GPHN: variants seen among roughly 807,000 people sequenced by gnomAD.
GPHN encodes gephyrin.
Under a neutral mutation model 95.5 loss-of-function variants are expected in GPHN, and 17 were observed. The observed-to-expected ratio is 0.18, with a 90% CI of 0.12 to 0.27. The LOEUF is 0.27. GPHN is among the 10% of genes least tolerant of loss of function. GPHN has a pLI of 1.00. For missense variants in GPHN, 660 were observed against 978.1 expected (o/e 0.67, Z 4.34); for synonymous variants, 320 against 322.5 (o/e 0.99, Z 0.08).
intron 1 of GPHN, among the ~76,000 whole-genome samples, chr14:66,533,085 G>C (rs1594850765): frequency 6.6e-6 from 1 of 152,124 alleles, no homozygotes; most frequent in Admixed American, 6.5e-5. Flanking sequence ...CCATCTATTT[G>C]TTAACAAGTT....
At chr14:67,562,281 C>T in the GPHN span, 95 of 1,613,626 alleles carry the variant, frequency 5.9e-5, no homozygotes, top group South Asian at 9.8e-4. Context: ...GCTGTGCTTG[C>T]ACCTTCCCCA....
chr14:66,866,836 G>A (rs563834349), intron 4 of GPHN, among the ~76,000 whole-genome samples: 2 of 152,184 alleles, frequency 1.3e-5, no homozygotes, highest in African/African-American at 4.8e-5. Flanking sequence ...ACCTTAGCTG[G>A]CACAGCAATT....
chr14:66,627,898 C>T lies in GPHN; in HGVS notation c.65-53209C>T, dbSNP rs532634653. ...TAGTTCATAGTTTTATTAAAGAAAT[C>T]TCTCTTCTACCTACTGTTAGATACA... On this transcript the variant is annotated intron_variant, in intron 1 of 22. Transcript: ENST00000478722. Among the ~76,000 whole-genome samples, 5 of 152,224 alleles carry T rather than the reference C, an allele frequency of 3.3e-5. No individual in the cohort carries two copies. In the East Asian group the frequency reaches 5.8e-4, roughly 18 times the overall value.
the GPHN span, among the ~76,000 whole-genome samples, chr14:67,439,797 G>T: frequency 6.6e-6 from 1 of 151,876 alleles, no homozygotes; most frequent in Non-Finnish European, 1.5e-5. Flanking sequence ...TGCTTTTAGT[G>T]TTAAAATGTC....
intron 9 of GPHN, among the ~76,000 whole-genome samples, chr14:67,007,758 A>G (rs1250860329): frequency 1.3e-5 from 2 of 152,172 alleles, no homozygotes; most frequent in African/African-American, 4.8e-5. Flanking sequence ...CTGATCTGAA[A>G]TGTTCCCCAG....
intron 5 of GPHN, among the ~76,000 whole-genome samples, chr14:66,911,572 C>G (rs1172578632): frequency 6.6e-6 from 1 of 151,908 alleles, no homozygotes; most frequent in Non-Finnish European, 1.5e-5. Context: ...ATTGCTTCAC[C>G]TAGGTAGTAG....
chr14:67,650,695 G>A, the GPHN span: 293 of 1,612,010 alleles, frequency 1.8e-4, no homozygotes, highest in Non-Finnish European at 2.0e-4. Context: ...CTGAGGTTTT[G>A]TCACACTTTG....
intron 2 of GPHN, among the ~76,000 whole-genome samples, chr14:66,696,867 A>G (rs1033124075): frequency 2.6e-5 from 4 of 152,232 alleles, no homozygotes; most frequent in Admixed American, 6.5e-5. Context: ...TAAGAAATGT[A>G]TGTAGATTTG....
At chr14:66,810,417 A>T (rs1347483145) in intron 3 of GPHN, among the ~76,000 whole-genome samples, 1 of 151,792 alleles carries the variant, frequency 6.6e-6, no homozygotes, top group Non-Finnish European at 1.5e-5. Flanking sequence ...TACATAATAT[A>T]TATTATCCAT....
intron 1 of GPHN, among the ~76,000 whole-genome samples, chr14:66,657,905 C>T (rs185151358): frequency 1.1e-4 from 17 of 152,088 alleles, no homozygotes; most frequent in Admixed American, 1.1e-3. Context: ...TTTTGAGTTT[C>T]AAGTCTTATT....
the GPHN span, chr14:67,593,712 G>T: frequency 7.4e-7 from 1 of 1,346,902 alleles, no homozygotes; most frequent in African/African-American, 1.4e-5. Context: ...CCTCCAGAGA[G>T]GCCTGTAATA....
the GPHN span, chr14:67,691,259 C>A: frequency 6.3e-7 from 1 of 1,594,650 alleles, no homozygotes; most frequent in Non-Finnish European, 8.6e-7. Flanking sequence ...AGGGACAAGA[C>A]GATGGAGCGT....
the GPHN span, chr14:67,515,352 G>A: frequency 1.2e-5 from 2 of 162,736 alleles, no homozygotes; most frequent in African/African-American, 4.8e-5. Context: ...CGTCCGCCGC[G>A]GCGGCGCGGG....
At chr14:67,176,602 G>T (rs2082966956) in intron 21 of GPHN, among the ~76,000 whole-genome samples, 1 of 152,154 alleles carries the variant, frequency 6.6e-6, no homozygotes, top group Non-Finnish European at 1.5e-5. Flanking sequence ...AAATGAGTTA[G>T]GGAGGATTAC....
chr14:67,566,236 A>G, the GPHN span, among the ~76,000 whole-genome samples: 103 of 152,230 alleles, frequency 6.8e-4, 1 homozygote, highest in African/African-American at 2.3e-3. Context: ...AAGACTGGAG[A>G]CCCAGTTGAG....
the GPHN span, chr14:67,692,878 T>C: frequency 8.3e-7 from 1 of 1,200,378 alleles, no homozygotes. Context: ...GAATCATCAT[T>C]ACTGTGAGGG....
At chr14:67,343,563 G>A in the GPHN span, 8 of 723,618 alleles carry the variant, frequency 1.1e-5, no homozygotes, top group African/African-American at 1.4e-4. Context: ...TTTTTGGCAT[G>A]CTTAAAAAAC....
chr14:67,204,598 G>A, the GPHN span: 2 of 1,613,772 alleles, frequency 1.2e-6, no homozygotes, highest in East Asian at 4.5e-5. Flanking sequence ...GAGCCTGAAA[G>A]TAAAGCTGGT....
intron 1 of GPHN, among the ~76,000 whole-genome samples, chr14:66,679,974 A>G (rs1003362918): frequency 2.0e-5 from 3 of 152,116 alleles, no homozygotes; most frequent in African/African-American, 7.2e-5. Context: ...TATACCAAAT[A>G]TTGTTTATAA....
Sources: allele counts gnomAD v4.1 joint callset (sites outside exome capture counted in the v4.1 genomes callset), GRCh38; gene constraint gnomAD v4.1.1; transcripts MANE v1.5; gene names NCBI Gene and HGNC (gene_info 2026-07-23, HGNC 2026-07-21).